The following CADM1 variants were observed in gnomAD, a reference collection of about 807,000 sequenced individuals.
CADM1 encodes the protein TSLC-1.
A neutral mutation model predicts 53.1 loss-of-function variants in CADM1; 15 were observed. The ratio of observed to expected loss-of-function variants is 0.28; its 90% CI spans 0.19 to 0.44. CADM1 has a LOEUF of 0.44. Among genes scored for constraint, CADM1 ranks in the 20% least tolerant of loss-of-function variants. CADM1 has a pLI of 1.00. For missense variants in CADM1, 434 were observed against 611.3 expected, an observed-to-expected ratio of 0.71 and a Z score of 3.06; for synonymous variants, 281 against 243.0, an observed-to-expected ratio of 1.16 and a Z score of -1.45.
At chr11:115,473,683 G>C (rs1313162767) in intron 1 of CADM1, among the ~76,000 whole-genome samples, 1 of 151,966 alleles carries the variant, frequency 6.6e-6, no homozygotes, top group Non-Finnish European at 1.5e-5. Flanking sequence ...TATACAAAAA[G>C]TAACTCAAGA....
intron 7 of CADM1, among the ~76,000 whole-genome samples, chr11:115,211,037 C>T (rs1486331529): frequency 3.2e-5 from 4 of 124,922 alleles, no homozygotes; most frequent in Non-Finnish European, 2.0e-5. Flanking sequence ...AAAAGGATGT[C>T]GTTTAAAAAA....
intron 10 of CADM1, among the ~76,000 whole-genome samples, chr11:115,187,864 C>T (rs372374462): frequency 3.9e-5 from 6 of 152,178 alleles, no homozygotes; most frequent in Non-Finnish European, 5.9e-5. Context: ...AATTGCCCTC[C>T]GAGGCCCATG....
intron 1 of CADM1, among the ~76,000 whole-genome samples, chr11:115,264,021 G>A (rs577835767): frequency 1.6e-4 from 24 of 152,324 alleles, no homozygotes; most frequent in African/African-American, 4.8e-4. Context: ...AGAGGAGGAA[G>A]ATGAGATCGA....
chr11:115,349,082 C>T (rs981767109), intron 1 of CADM1, among the ~76,000 whole-genome samples: 9 of 152,288 alleles, frequency 5.9e-5, no homozygotes, highest in African/African-American at 2.2e-4. Flanking sequence ...TCTTCCTTTA[C>T]GCATCAAGGG....
intron 1 of CADM1, among the ~76,000 whole-genome samples, chr11:115,475,444 T>A (rs1949110099): frequency 6.6e-6 from 1 of 152,170 alleles, no homozygotes; most frequent in African/African-American, 2.4e-5. Flanking sequence ...AAATGAAAAC[T>A]TATGGCTCAC....
rs181416775 is a variant in CADM1 at position 115,419,685 on chromosome 11, A to G, written c.124+84586T>C. Among the ~76,000 whole-genome samples the G allele has an allele frequency of 4.9e-3, 745 of 152,278 alleles. 1 individual carries two copies. Among genetic ancestry groups the G allele is most frequent in the Non-Finnish European group, 8.7e-3 (592 of 68,024 alleles). On this transcript the variant is annotated intron_variant, in intron 1 of 11. Coordinates refer to ENST00000331581, the MANE Select transcript of CADM1 (RefSeq NM_001301043.2). Reference sequence around the variant, plus strand: ...GAAATCTTTGACCGTGAACCCGAAAATGAGCCCCTGAGACTCAATAATCTG... The same window carrying G: ...GAAATCTTTGACCGTGAACCCGAAAGTGAGCCCCTGAGACTCAATAATCTG...
chr11:115,298,640 T>C (rs1944141540), intron 1 of CADM1, among the ~76,000 whole-genome samples: 1 of 152,136 alleles, frequency 6.6e-6, no homozygotes, highest in Non-Finnish European at 1.5e-5. Context: ...GCGTGGTGAG[T>C]TTTTGAGAAA....
In CADM1 at chr11:115,337,088, G is replaced by C. The variant is rs542283374; in HGVS notation, c.125-96668C>G. On this transcript the variant is annotated intron_variant, in intron 1 of 11. Transcript: ENST00000331581. The stretch of plus-strand genomic sequence containing the variant: ...TTTCCACTAATACAACTAGTAAGTA[G>C]CTAAACTGAGTTTAAAACCAAGTCT... Among the ~76,000 whole-genome samples the C allele has an allele frequency of 2.0e-4, 31 of 152,208 alleles. 1 individual carries two copies. The East Asian group carries it at 5.8e-3, about 28-fold the overall frequency.
chr11:115,314,020 T>C (rs190614511), intron 1 of CADM1, among the ~76,000 whole-genome samples: 3 of 152,312 alleles, frequency 2.0e-5, no homozygotes, highest in Non-Finnish European at 4.4e-5. Flanking sequence ...GAACTGCTGA[T>C]AGAGATGCAA....
intron 1 of CADM1, among the ~76,000 whole-genome samples, chr11:115,275,083 A>G (rs999595386): frequency 6.6e-6 from 1 of 151,970 alleles, no homozygotes; most frequent in African/African-American, 2.4e-5. Context: ...GGGAAAACCC[A>G]CTCCTTTCAA....
intron 1 of CADM1, among the ~76,000 whole-genome samples, chr11:115,457,366 G>T (rs75315160): frequency 2.9e-3 from 441 of 152,236 alleles, no homozygotes; most frequent in African/African-American, 9.9e-3. Flanking sequence ...CAAAGTATTT[G>T]GATACAATCT....
intron 1 of CADM1, among the ~76,000 whole-genome samples, chr11:115,450,170 AAGGAGGGG>A (rs1299957890): frequency 5.9e-5 from 9 of 152,184 alleles, no homozygotes; most frequent in Non-Finnish European, 7.3e-5. Context: ...CCTTTGCCTT[AAGGAGGGG>A]TGTGACAGGT....
At chr11:115,326,455 T>G (rs929885346) in intron 1 of CADM1, among the ~76,000 whole-genome samples, 2 of 152,184 alleles carry the variant, frequency 1.3e-5, no homozygotes, top group Admixed American at 6.5e-5. Context: ...ATGTCCTTCT[T>G]GTTATGGTTT....
intron 1 of CADM1, among the ~76,000 whole-genome samples, chr11:115,381,473 A>C (rs1946577696): frequency 6.6e-6 from 1 of 152,168 alleles, no homozygotes; most frequent in South Asian, 2.1e-4. Context: ...CTGAGAGTCC[A>C]CAACATGTAG....
At chr11:115,263,995 T>C (rs1943053111) in intron 1 of CADM1, among the ~76,000 whole-genome samples, 1 of 152,154 alleles carries the variant, frequency 6.6e-6, no homozygotes, top group African/African-American at 2.4e-5. Flanking sequence ...AGCTGGGTGG[T>C]GAGGTCCCTG....
chr11:115,231,451 G>C lies in CADM1; in HGVS notation c.464C>G (p.Thr155Ser). 2.5e-6 allele frequency: 4 copies of C among 1,613,952 alleles called. No individual in the cohort carries two copies. Among genetic ancestry groups the C allele is most frequent in the Non-Finnish European group, 3.4e-6 (4 of 1,179,854 alleles). ...RNLMIDIQKD[T>S]AVEGEEIEVN... The stretch of plus-strand genomic sequence containing the variant: ...TTCAATCTCCTCACCTTCCACCGCA[G>C]TGTCTTTCTGGATATCGATCATCAG... The change falls in exon 4 of 12, where the codon ACT becomes AGT. Residue 155 changes from threonine (T) to serine (S), a missense_variant. Thr to Ser is a moderately conservative substitution (Grantham distance 58). Coordinates refer to ENST00000331581, the MANE Select transcript of CADM1 (RefSeq NM_001301043.2).
Position 115,299,154 on chromosome 11 carries a change from C to T in CADM1, c.125-58734G>A, listed in dbSNP as rs192040073. On this transcript the variant is annotated intron_variant, in intron 1 of 11. Transcript: ENST00000331581. The stretch of plus-strand genomic sequence containing the variant: ...AAACATGAAAGACTGGGCCTGACTG[C>T]CCGTGAAGTTCACTGCTATTGCAGT... 2.7e-3 allele frequency among the ~76,000 whole-genome samples: 406 copies of T among 152,264 alleles called. 6 individuals are homozygous for T. The highest frequency in any genetic ancestry group is 0.014 in the Middle Eastern group (4 of 294).
At chr11:115,180,325 A>G (rs1285868655) in intron 10 of CADM1, among the ~76,000 whole-genome samples, 2 of 152,230 alleles carry the variant, frequency 1.3e-5, no homozygotes, top group Non-Finnish European at 2.9e-5. Flanking sequence ...TGAAAGGACT[A>G]CAGAAAAACC....
Position 115,314,533 on chromosome 11 carries a change from C to T in CADM1, c.125-74113G>A, listed in dbSNP as rs562342434. 2.0e-4 allele frequency among the ~76,000 whole-genome samples: 30 copies of T among 152,272 alleles called. No individual in the cohort carries two copies. In the East Asian group the frequency reaches 3.7e-3, roughly 19 times the overall value. On this transcript the variant is annotated intron_variant, in intron 1 of 11. Transcript: ENST00000331581. ...AGCCCTCAGAATCAAGAGTCTATGA[C>T]TAAGACTATGCAGTATGACTATGTA... is the stretch of plus-strand genomic sequence containing the variant.
Sources: allele counts gnomAD v4.1 joint callset (sites outside exome capture counted in the v4.1 genomes callset), GRCh38; gene constraint gnomAD v4.1.1; transcripts MANE v1.5; gene names NCBI Gene and HGNC (gene_info 2026-07-23, HGNC 2026-07-21).